Variants in SH3PXD2A observed in about 807,000 individuals in gnomAD.
SH3PXD2A encodes the protein SH3 and PX domains 2A, also known as SH3 and PX domain-containing protein 2A.
In SH3PXD2A, 32 loss-of-function variants were observed where a neutral mutation model predicts 115.2. The observed-to-expected ratio is 0.28, with a 90% CI of 0.21 to 0.37. SH3PXD2A has a LOEUF of 0.37. Ranked by LOEUF, SH3PXD2A falls within the 10% of genes least tolerant of loss-of-function variation. SH3PXD2A has a pLI of 1.00. For missense variants in SH3PXD2A, 1,328 were observed against 1,498.7 expected (o/e 0.89, Z 1.88); for synonymous variants, 610 against 629.1 (o/e 0.97, Z 0.45).
intron 2 of SH3PXD2A, among the ~76,000 whole-genome samples, chr10:103,782,590 G>A (rs1444465945): frequency 1.3e-5 from 2 of 152,138 alleles, no homozygotes; most frequent in African/African-American, 4.8e-5. Flanking sequence ...GGCAGGTACT[G>A]TTCTAGGCAT....
At chr10:103,606,195 CAT>C (rs1256860535) in intron 13 of SH3PXD2A, among the ~76,000 whole-genome samples, 1 of 150,818 alleles carries the variant, frequency 6.6e-6, no homozygotes, top group African/African-American at 2.4e-5. Context: ...TCATCATCAT[CAT>C]CATCATCATC....
At chr10:103,613,248 C>T in intron 11 of SH3PXD2A, 58 bp from the exon 12 acceptor site, 1 of 1,364,348 alleles carries the variant, frequency 7.3e-7, no homozygotes, top group Non-Finnish European at 1.0e-6. Context: ...CAGCCCACTC[C>T]CAGGCCCTAG....
chr10:103,815,682 A>G (rs2039317095), intron 1 of SH3PXD2A, among the ~76,000 whole-genome samples: 1 of 151,606 alleles, frequency 6.6e-6, no homozygotes, highest in Admixed American at 6.6e-5. Context: ...CGGAGTCAGG[A>G]GTTCGAGACC....
chr10:103,668,657 C>T lies in SH3PXD2A; in HGVS notation c.428-5G>A, dbSNP rs201923565. On this transcript the variant is annotated splice_region_variant and splice_polypyrimidine_tract_variant and intron_variant, in intron 6 of 14. Transcript: ENST00000369774. ...CAGCCCAGCTGGACAGCCACACTTC[C>T]GAGTCCCCGAGAGCAAGCGGCAGCA... 8.8e-4 allele frequency: 1,376 copies of T among 1,559,520 alleles called. 1 individual carries two copies. Among genetic ancestry groups the T allele is most frequent in the Non-Finnish European group, 1.1e-3 (1,305 of 1,151,704 alleles).
At chr10:103,786,822 C>A (rs979753075) in intron 2 of SH3PXD2A, among the ~76,000 whole-genome samples, 2 of 152,088 alleles carry the variant, frequency 1.3e-5, no homozygotes, top group African/African-American at 4.8e-5. Flanking sequence ...TACGGAGAGT[C>A]CCCCCAGCCT....
chr10:103,596,391 A>G lies in SH3PXD2A; in HGVS notation c.*5425T>C, dbSNP rs1241744109. On this transcript the variant is annotated 3_prime_UTR_variant, in exon 15 of 15. Coordinates refer to ENST00000369774, the MANE Select transcript of SH3PXD2A (RefSeq NM_001394015.1). ...CACTTATGCTAGACCTGTTAATGCC[A>G]GTGTGAAATTTCCAACTAAATACTT... 1 of 152,552 alleles carries G rather than the reference A, an allele frequency of 6.6e-6. No individual in the cohort carries two copies. Among genetic ancestry groups the G allele is most frequent in the African/African-American group, 2.4e-5 (1 of 41,396 alleles). The allele number at this position is 152,552 out of a possible 1,614,324, so 9.4% of individuals were successfully genotyped here.
intron 2 of SH3PXD2A, among the ~76,000 whole-genome samples, chr10:103,786,626 C>A (rs1006914912): frequency 1.1e-4 from 17 of 152,190 alleles, no homozygotes; most frequent in African/African-American, 4.1e-4. Context: ...GATTGTACCA[C>A]TGCACTCCAG....
At chr10:103,678,121 A>G (rs1216073550) in intron 6 of SH3PXD2A, 1 of 1,289,064 alleles carries the variant, frequency 7.8e-7, no homozygotes, top group African/African-American at 1.5e-5. Context: ...ACGCTACAGG[A>G]AACAGGAGCC....
intron 5 of SH3PXD2A, among the ~76,000 whole-genome samples, chr10:103,715,503 T>A (rs2038095154): frequency 1.3e-5 from 2 of 152,168 alleles, no homozygotes; most frequent in Non-Finnish European, 2.9e-5. Context: ...TCCACAACCT[T>A]CCATTTGCCT....
chr10:103,772,950 G>T (rs1263524076), intron 2 of SH3PXD2A, among the ~76,000 whole-genome samples: 1 of 152,178 alleles, frequency 6.6e-6, no homozygotes, highest in Non-Finnish European at 1.5e-5. Context: ...ACAGCCGGGC[G>T]CGGTGGCTCA....
intron 8 of SH3PXD2A, among the ~76,000 whole-genome samples, chr10:103,640,494 G>C (rs1158045862): frequency 6.6e-6 from 1 of 152,098 alleles, no homozygotes; most frequent in Admixed American, 6.6e-5. Context: ...GGTAGGGACA[G>C]CATGGACAGG....
At chr10:103,789,798 C>A (rs746522126) in intron 2 of SH3PXD2A, among the ~76,000 whole-genome samples, 36 of 152,174 alleles carry the variant, frequency 2.4e-4, no homozygotes, top group Non-Finnish European at 4.7e-4. Flanking sequence ...ACGTGACACC[C>A]AAACACACCC....
chr10:103,690,412 C>G (rs973919393), intron 6 of SH3PXD2A, among the ~76,000 whole-genome samples: 6 of 152,118 alleles, frequency 3.9e-5, no homozygotes, highest in African/African-American at 1.4e-4. Flanking sequence ...TAGGAACTGG[C>G]TTATGTGATT....
At chr10:103,606,085 C>T (rs1173135277) in intron 13 of SH3PXD2A, among the ~76,000 whole-genome samples, 168 bp from the exon 14 acceptor site, 2 of 152,072 alleles carry the variant, frequency 1.3e-5, no homozygotes, top group Non-Finnish European at 2.9e-5. Flanking sequence ...GGGTATATAT[C>T]GCCAGGGGAC....
intron 14 of SH3PXD2A, among the ~76,000 whole-genome samples, chr10:103,605,461 A>G (rs1407542803): frequency 1.3e-5 from 2 of 152,128 alleles, no homozygotes; most frequent in African/African-American, 4.8e-5. Context: ...AAAACAACAA[A>G]TGGGTTGGAT....
At chr10:103,752,428 C>T (rs11592832) in intron 3 of SH3PXD2A, among the ~76,000 whole-genome samples, 16,058 of 152,166 alleles carry the variant, frequency 0.11, 973 homozygotes, top group Non-Finnish European at 0.12. Flanking sequence ...ATTTCACAGA[C>T]GAGGGAACTC....
chr10:103,602,112 C>T lies in SH3PXD2A; in HGVS notation c.3106G>A (p.Ala1036Thr), dbSNP rs148771539. Residue 1036 changes from alanine (A) to threonine (T), a missense_variant, in exon 15 of 15, where the codon GCT becomes ACT. Around this residue, in one of 5 missense-constraint regions of SH3PXD2A, gnomAD observed 574 missense variants for 565.7 expected, o/e 1.01. Coordinates refer to ENST00000369774, the MANE Select transcript of SH3PXD2A (RefSeq NM_001394015.1). ...AEAKGRLAER[A>T]ASQGSDSPLL... ...GGTGAGTCTGAACCCTGGCTGGCAG[C>T]CCGTTCGGCCAGGCGGCCCTTGGCC... The T allele has an allele frequency of 5.2e-4, 818 of 1,587,800 alleles. 1 individual carries two copies. The highest frequency in any genetic ancestry group is 6.4e-4 in the Non-Finnish European group (750 of 1,164,440).
At position 103,831,866 on chromosome 10, in the gene SH3PXD2A, T is replaced by A. The variant is rs947912871; in HGVS notation, c.72+23329A>T. ...ACAACTAACCAACTTTCTGTTTCTA[T>A]GCATTTAACTGTTCTGGGCATTTCA... is the stretch of plus-strand genomic sequence containing the variant. On this transcript the variant is annotated intron_variant, in intron 1 of 14. Transcript: ENST00000369774. 3.3e-5 allele frequency among the ~76,000 whole-genome samples: 5 copies of A among 152,224 alleles called. No homozygotes were observed. The South Asian group carries it at 1.0e-3, about 32-fold the overall frequency.
intron 4 of SH3PXD2A, among the ~76,000 whole-genome samples, chr10:103,727,043 A>T (rs1483209285): frequency 6.6e-6 from 1 of 152,208 alleles, no homozygotes; most frequent in Non-Finnish European, 1.5e-5. Context: ...GTCATCCACC[A>T]AACAGTGAGG....
Sources: allele counts gnomAD v4.1 joint callset (sites outside exome capture counted in the v4.1 genomes callset), GRCh38; gene constraint gnomAD v4.1.1; regional missense constraint gnomAD v4.1.1; transcripts MANE v1.5; gene names NCBI Gene and HGNC (gene_info 2026-07-23, HGNC 2026-07-21).